Variants in DPP6 observed in about 807,000 individuals in gnomAD.
DPP6 encodes the protein dipeptidyl peptidase like 6.
In DPP6, 69 loss-of-function variants were observed where a neutral mutation model predicts 122.6. The observed-to-expected ratio is 0.56, with a 90% CI of 0.46 to 0.69. The LOEUF is 0.69. Among genes scored for constraint, DPP6 ranks in the 30% least tolerant of loss-of-function variants. The pLI is 0.00. For missense variants in DPP6, 928 were observed against 1,116.9 expected (o/e 0.83, Z 2.41); for synonymous variants, 418 against 433.1 (o/e 0.97, Z 0.43).
intron 4 of DPP6, among the ~76,000 whole-genome samples, chr7:154,544,525 C>G (rs1829006700): frequency 6.6e-6 from 1 of 152,176 alleles, no homozygotes; most frequent in South Asian, 2.1e-4. Context: ...AATGACCGCT[C>G]TAGAATAACA....
chr7:154,320,842 T>C lies in DPP6; in HGVS notation c.244-125372T>C, dbSNP rs531318680. ...CAAATGTAGTAATTTTCTAGAGTTT[T>C]AGAGGAGGTAGTGTTTATTATTATA... is the stretch of plus-strand genomic sequence containing the variant. On this transcript the variant is annotated intron_variant, in intron 1 of 25. Coordinates refer to ENST00000377770, the MANE Select transcript of DPP6 (RefSeq NM_130797.4). Among the ~76,000 whole-genome samples the C allele has an allele frequency of 1.6e-3, 242 of 152,294 alleles. 1 individual carries two copies. The highest frequency in any genetic ancestry group is 3.4e-3 in the Middle Eastern group (1 of 294).
At position 154,835,346 on chromosome 7, in the gene DPP6, T is replaced by A. The variant is rs534706912; in HGVS notation, c.1667-18434T>A. Among the ~76,000 whole-genome samples, 6 of 152,160 alleles carry A rather than the reference T, an allele frequency of 3.9e-5. No homozygotes were observed. In the South Asian group the frequency reaches 1.2e-3, roughly 32 times the overall value. Reference sequence around the variant, plus strand: ...CCAGAAGCTGAAAGAGCTGCCGCCCTGCCCCCACCTTCATCTCGGACTTCT... The same window carrying A: ...CCAGAAGCTGAAAGAGCTGCCGCCCAGCCCCCACCTTCATCTCGGACTTCT... On this transcript the variant is annotated intron_variant, in intron 16 of 25. Transcript: ENST00000377770.
At chr7:154,194,023 G>A (rs968061057) in intron 1 of DPP6, among the ~76,000 whole-genome samples, 2 of 152,146 alleles carry the variant, frequency 1.3e-5, no homozygotes, top group African/African-American at 2.4e-5. Flanking sequence ...CTCTGATGAA[G>A]TCTAGGAAAA....
At position 154,156,789 on chromosome 7, in the gene DPP6, G is replaced by A. The variant is rs371498907; in HGVS notation, c.243+103726G>A. On this transcript the variant is annotated intron_variant, in intron 1 of 25. Transcript: ENST00000377770. ...GATAGGTAGGTAGGTAGGTAGGTAG[G>A]TAGATAGATAGATAACCCATGAATG... is the stretch of plus-strand genomic sequence containing the variant. Among the ~76,000 whole-genome samples, 7 of 151,708 alleles carry A rather than the reference G, an allele frequency of 4.6e-5. No homozygotes were observed. In the East Asian group the frequency reaches 7.7e-4, roughly 17 times the overall value.
the DPP6 span, among the ~76,000 whole-genome samples, chr7:153,851,111 T>G: frequency 2.0e-5 from 3 of 152,240 alleles, no homozygotes; most frequent in African/African-American, 7.2e-5. Context: ...AGATTATATA[T>G]TCTTCCCTTG....
intron 1 of DPP6, among the ~76,000 whole-genome samples, chr7:154,270,065 C>T (rs1038782669): frequency 2.0e-5 from 3 of 152,170 alleles, no homozygotes; most frequent in Non-Finnish European, 2.9e-5. Flanking sequence ...TCATGCTTCT[C>T]ATGATTCTAA....
rs1209264469 is a variant in DPP6 at position 153,964,999 on chromosome 7, T to TCTTCCTTC, written c.51+77293_51+77300dup. On this transcript the variant is annotated intron_variant, in intron 1 of 25. Coordinates refer to the DPP6 transcript ENST00000404039. The stretch of plus-strand genomic sequence containing the variant: ...TTTTCCCTTCCTTCCTTCCTTCCTT[T>TCTTCCTTC]CTTCCTTCCTTCCTTCCTTCCTTCC... 2.8e-3 allele frequency among the ~76,000 whole-genome samples: 176 copies of TCTTCCTTC among 62,454 alleles called. 2 individuals are homozygous for TCTTCCTTC. Among genetic ancestry groups the TCTTCCTTC allele is most frequent in the Middle Eastern group, 7.5e-3 (1 of 134 alleles). 41.0% of individuals were successfully genotyped at this position (62,454 alleles called of 152,430 possible).
At chr7:154,497,615 A>T (rs1824862132) in intron 3 of DPP6, among the ~76,000 whole-genome samples, 1 of 128,454 alleles carries the variant, frequency 7.8e-6, no homozygotes, top group Non-Finnish European at 1.9e-5. Context: ...TCTCCAAAAA[A>T]AGAAAAAAAA....
chr7:154,790,856 GGGGA>G (rs1306343612), intron 10 of DPP6, among the ~76,000 whole-genome samples: 3 of 142,170 alleles, frequency 2.1e-5, no homozygotes, highest in Admixed American at 6.9e-5. Context: ...AGGGAGGGGA[GGGGA>G]GGGAGGGAGG....
At chr7:154,664,890 A>G (rs771988066) in intron 6 of DPP6, among the ~76,000 whole-genome samples, 7 of 152,212 alleles carry the variant, frequency 4.6e-5, no homozygotes, top group Non-Finnish European at 8.8e-5. Flanking sequence ...CATATTGTAT[A>G]ACTTTGGTAT....
At chr7:154,349,376 A>G (rs912650215) in intron 1 of DPP6, among the ~76,000 whole-genome samples, 6 of 152,162 alleles carry the variant, frequency 3.9e-5, no homozygotes, top group African/African-American at 1.4e-4. Context: ...GGGTTTCACC[A>G]TGTCGGCCAG....
At chr7:153,776,856 T>G in the DPP6 span, among the ~76,000 whole-genome samples, 1 of 152,222 alleles carries the variant, frequency 6.6e-6, no homozygotes. Context: ...CATTGAGACT[T>G]AGATACAACA....
intron 3 of DPP6, among the ~76,000 whole-genome samples, chr7:154,493,429 G>T (rs939714142): frequency 6.6e-6 from 1 of 152,148 alleles, no homozygotes; most frequent in Non-Finnish European, 1.5e-5. Flanking sequence ...GCCTCACAGG[G>T]AGATTTTATT....
chr7:154,572,683 A>AT (rs34011988), intron 5 of DPP6, among the ~76,000 whole-genome samples: 13,748 of 130,626 alleles, frequency 0.11, 894 homozygotes, highest in African/African-American at 0.17. Flanking sequence ...CACATGGCTA[A>AT]TTTTTTTTTT....
intron 1 of DPP6, among the ~76,000 whole-genome samples, chr7:154,197,303 T>C (rs891173953): frequency 1.6e-4 from 25 of 151,976 alleles, no homozygotes; most frequent in African/African-American, 5.8e-4. Context: ...CCATGGGGAA[T>C]ACCAGACTCT....
intron 1 of DPP6, among the ~76,000 whole-genome samples, chr7:154,424,509 TATC>T (rs1360213764): frequency 2.0e-5 from 3 of 152,166 alleles, no homozygotes; most frequent in African/African-American, 4.8e-5. Flanking sequence ...GTTTTTCTAA[TATC>T]ATATTACTTG....
At chr7:154,447,693 G>C (rs1478334795) in intron 2 of DPP6, among the ~76,000 whole-genome samples, 1 of 152,090 alleles carries the variant, frequency 6.6e-6, no homozygotes, top group Non-Finnish European at 1.5e-5. Flanking sequence ...GTAGCAAACT[G>C]AATCTAACTA....
the DPP6 span, among the ~76,000 whole-genome samples, chr7:153,761,794 A>C: frequency 1.3e-5 from 2 of 152,220 alleles, no homozygotes; most frequent in Admixed American, 6.5e-5. Context: ...TCTATACTTC[A>C]TAAGCATTGG....
chr7:154,060,213 TCTTCCCCCCTTTGCTCTTAGG>T (rs1801517108), intron 1 of DPP6, among the ~76,000 whole-genome samples: 1 of 133,228 alleles, frequency 7.5e-6, no homozygotes, highest in Non-Finnish European at 1.6e-5. Context: ...AGCGAGCCCC[TCTTCCCCCCTTTGCTCTTAGG>T]ATCCCCATCG....
Sources: gnomAD v4.1 joint callset for allele counts (sites outside exome capture counted in the v4.1 genomes callset) on GRCh38, gnomAD v4.1.1 for gene constraint, MANE v1.5 for transcripts, NCBI Gene and HGNC (gene_info 2026-07-23, HGNC 2026-07-21) for gene names.